The following PRKCQ variants were observed in gnomAD, a reference collection of about 807,000 sequenced individuals.
PRKCQ encodes protein kinase C theta type.
PRKCQ carries 41 observed loss-of-function variants against 91.2 expected under a neutral mutation model. The observed-to-expected ratio is 0.45, with a 90% CI of 0.35 to 0.58. The LOEUF (loss-of-function observed/expected upper bound fraction) is 0.58. PRKCQ is among the 20% of genes least tolerant of loss of function. The pLI, the probability that PRKCQ is intolerant of heterozygous loss-of-function variation, is 0.00. For missense variants in PRKCQ, 673 were observed against 896.5 expected, an observed-to-expected ratio of 0.75 and a Z score of 3.18; for synonymous variants, 307 against 316.9, an observed-to-expected ratio of 0.97 and a Z score of 0.33.
chr10:6,450,521 A>G lies in PRKCQ; in HGVS notation c.1647+6153T>C, dbSNP rs542532144. On this transcript the variant is annotated intron_variant, in intron 15 of 17. Coordinates refer to ENST00000263125, the MANE Select transcript of PRKCQ (RefSeq NM_006257.5). ...CCCACTGTCAACATTAGACAGATCA[A>G]TGAGACAGAAAGTTAACAAGGATAC... 5.9e-5 allele frequency among the ~76,000 whole-genome samples: 9 copies of G among 152,358 alleles called. No individual in the cohort carries two copies. The South Asian group carries it at 1.9e-3, about 32-fold the overall frequency.
chr10:6,494,222 G>A (rs145825166), intron 7 of PRKCQ, among the ~76,000 whole-genome samples: 31 of 152,180 alleles, frequency 2.0e-4, no homozygotes, highest in African/African-American at 6.5e-4. Context: ...ACTCCCTTCC[G>A]GTTAAACTGT....
chr10:6,466,868 G>T (rs1428564066), intron 12 of PRKCQ, among the ~76,000 whole-genome samples: 1 of 152,286 alleles, frequency 6.6e-6, no homozygotes, highest in East Asian at 1.9e-4. Context: ...GAGACTCAGA[G>T]TAATTGCAAA....
chr10:6,514,484 T>A (rs1838651391), intron 2 of PRKCQ, among the ~76,000 whole-genome samples: 1 of 152,204 alleles, frequency 6.6e-6, no homozygotes, highest in African/African-American at 2.4e-5. Context: ...TGATGAAACA[T>A]CACTATTCTT....
chr10:6,419,032 A>AT, the PRKCQ span, among the ~76,000 whole-genome samples: 904 of 142,760 alleles, frequency 6.3e-3, 6 homozygotes, highest in African/African-American at 0.022. Context: ...TCATCTATCT[A>AT]CCTATCATCC....
chr10:6,474,194 G>A (rs1836145007), intron 12 of PRKCQ, among the ~76,000 whole-genome samples: 1 of 152,196 alleles, frequency 6.6e-6, no homozygotes, highest in South Asian at 2.1e-4. Flanking sequence ...GGGAGTGTGG[G>A]AGTCAAGGGC....
At chr10:6,534,951 T>A (rs540139553) in intron 1 of PRKCQ, among the ~76,000 whole-genome samples, 1 of 152,242 alleles carries the variant, frequency 6.6e-6, no homozygotes, top group East Asian at 1.9e-4. Flanking sequence ...TAATTCTGTG[T>A]AACAAAAAGG....
At chr10:6,575,265 G>T (rs1841187442) in intron 1 of PRKCQ, among the ~76,000 whole-genome samples, 1 of 152,166 alleles carries the variant, frequency 6.6e-6, no homozygotes, top group African/African-American at 2.4e-5. Flanking sequence ...TGCAACAAAG[G>T]CCTGGTGAAT....
intron 2 of PRKCQ, among the ~76,000 whole-genome samples, chr10:6,513,124 A>C (rs1312336648): frequency 6.6e-6 from 1 of 152,190 alleles, no homozygotes; most frequent in African/African-American, 2.4e-5. Context: ...GGCCCTATCT[A>C]TGTAGAGTGT....
intron 1 of PRKCQ, among the ~76,000 whole-genome samples, chr10:6,522,358 A>G (rs543885449): frequency 1.3e-5 from 2 of 152,330 alleles, no homozygotes; most frequent in East Asian, 1.9e-4. Flanking sequence ...ATGATCAAGT[A>G]TAATTGCTCA....
intron 8 of PRKCQ, among the ~76,000 whole-genome samples, chr10:6,490,038 GAC>G (rs1837194700): frequency 6.6e-6 from 1 of 152,026 alleles, no homozygotes; most frequent in Admixed American, 6.5e-5. Context: ...AGGATGCCGG[GAC>G]ACTACGTTTT....
At chr10:6,484,349 G>A (rs1020387619) in intron 10 of PRKCQ, among the ~76,000 whole-genome samples, 24 of 152,114 alleles carry the variant, frequency 1.6e-4, no homozygotes, top group African/African-American at 5.6e-4. Flanking sequence ...ACAGGGCAGA[G>A]GTTACAGTGA....
chr10:6,530,270 G>C (rs962655981), intron 1 of PRKCQ, among the ~76,000 whole-genome samples: 4 of 152,164 alleles, frequency 2.6e-5, no homozygotes, highest in African/African-American at 9.7e-5. Context: ...TGGCGTCAGA[G>C]TCAGAGCAAG....
intron 1 of PRKCQ, among the ~76,000 whole-genome samples, chr10:6,579,295 CT>C (rs1021006910): frequency 2.6e-5 from 4 of 152,182 alleles, no homozygotes; most frequent in Non-Finnish European, 5.9e-5. Context: ...TTCCCTCCAC[CT>C]TCTCCAGCCT....
intron 1 of PRKCQ, among the ~76,000 whole-genome samples, chr10:6,557,317 C>T (rs1024565889): frequency 1.3e-5 from 2 of 152,172 alleles, no homozygotes; most frequent in African/African-American, 2.4e-5. Context: ...TGGAAATGGT[C>T]TTCCTCCTCA....
chr10:6,451,909 T>C (rs774223424), intron 15 of PRKCQ, among the ~76,000 whole-genome samples: 3 of 152,176 alleles, frequency 2.0e-5, no homozygotes, highest in African/African-American at 2.4e-5. Context: ...ATAAATTAAG[T>C]ATTGATGGGA....
intron 8 of PRKCQ, among the ~76,000 whole-genome samples, chr10:6,486,883 G>C (rs764509537): frequency 5.3e-5 from 8 of 152,214 alleles, no homozygotes; most frequent in Non-Finnish European, 8.8e-5. Context: ...GGTGGAGCCG[G>C]AGTGTATATG....
chr10:6,533,922 T>C (rs755923687), intron 1 of PRKCQ, among the ~76,000 whole-genome samples: 7 of 152,184 alleles, frequency 4.6e-5, no homozygotes, highest in Admixed American at 6.5e-5. Flanking sequence ...CTAGGTAACA[T>C]AGATCAATAA....
chr10:6,525,032 C>T (rs568488729), intron 1 of PRKCQ, among the ~76,000 whole-genome samples: 21 of 152,270 alleles, frequency 1.4e-4, no homozygotes, highest in African/African-American at 5.1e-4. Flanking sequence ...TGACTGTTGC[C>T]CACCGTGGAA....
At chr10:6,528,847 A>C (rs1839289860) in intron 1 of PRKCQ, among the ~76,000 whole-genome samples, 1 of 152,226 alleles carries the variant, frequency 6.6e-6, no homozygotes, top group African/African-American at 2.4e-5. Flanking sequence ...CTTGCAAAGG[A>C]CATGTTATGA....
Sources: gnomAD v4.1 joint callset for allele counts (sites outside exome capture counted in the v4.1 genomes callset) on GRCh38, gnomAD v4.1.1 for gene constraint, MANE v1.5 for transcripts, NCBI Gene and HGNC (gene_info 2026-07-23, HGNC 2026-07-21) for gene names.